PTPN9: variants seen among roughly 807,000 people sequenced by gnomAD.
PTPN9 encodes the protein protein tyrosine phosphatase non-receptor type 9, also known as tyrosine-protein phosphatase non-receptor type 9.
PTPN9 carries 26 observed loss-of-function variants against 69.8 expected under a neutral mutation model. The ratio of observed to expected loss-of-function variants is 0.37; its 90% CI spans 0.27 to 0.52. The LOEUF is 0.52. Ranked by LOEUF, PTPN9 falls within the 20% of genes least tolerant of loss-of-function variation. PTPN9 has a pLI of 0.91. For missense variants in PTPN9, 549 were observed against 740.3 expected (o/e 0.74, Z 3.00); for synonymous variants, 274 against 272.5 (o/e 1.01, Z -0.05).
chr15:75,531,403 C>T (rs890613183), intron 1 of PTPN9, among the ~76,000 whole-genome samples: 1 of 152,082 alleles, frequency 6.6e-6, no homozygotes, highest in African/African-American at 2.4e-5. Context: ...ACAGGACAAA[C>T]TTAGAATGCT....
rs752970552 is a variant in PTPN9, at chr15:75,479,860, T to C, written c.1117A>G (p.Ile373Val). 3 of 1,609,756 alleles carry C rather than the reference T, an allele frequency of 1.9e-6. No homozygotes were observed. The highest frequency in any genetic ancestry group is 2.2e-5 in the East Asian group (1 of 44,830). The change falls in exon 9 of 13, where the codon ATT (isoleucine) becomes GTT (valine). Residue 373 changes from isoleucine to valine, a missense_variant. By Grantham distance (29) the Ile-to-Val change is conservative. Around this residue, in one of 3 missense-constraint regions of PTPN9, gnomAD observed 457 missense variants for 661.9 expected, o/e 0.69. Coordinates refer to ENST00000618819, the MANE Select transcript of PTPN9 (RefSeq NM_002833.4). ...MDGYKQKNAY[I>V]GTQGPLENTY... is the part of the protein sequence containing the mutation. ...CGGACCAGCTTACCTTGTGTGCCAA[T>C]GTAAGCATTCTTCTGCTTGTAGCCA...
In PTPN9 at chr15:75,470,802, C is replaced by T. The variant is rs760155067; in HGVS notation, c.1237G>A (p.Gly413Ser). The T allele has an allele frequency of 5.6e-6, 9 of 1,614,168 alleles. No individual in the cohort carries two copies. The highest frequency in any genetic ancestry group is 7.6e-6 in the Non-Finnish European group (9 of 1,180,028). ...TCTTTTTCTAAAGGCCAGTACTGGC[C>T]ACACTTTCTCCTGCCGCCTTCCTCA... is the stretch of plus-strand genomic sequence containing the variant. The part of the protein sequence containing the change: ...RFEEGGRRKC[G>S]QYWPLEKDSR... The change falls in exon 11 of 13, where the codon GGC becomes AGC. Residue 413 changes from glycine (G) to serine (S), a missense_variant. This residue lies in a region of PTPN9 where 457 missense variants were observed against 661.9 expected (regional missense o/e 0.69). Transcript: ENST00000618819.
chr15:75,476,854 G>A (rs932320291), intron 9 of PTPN9, among the ~76,000 whole-genome samples: 1 of 152,114 alleles, frequency 6.6e-6, no homozygotes, highest in African/African-American at 2.4e-5. Context: ...CTGCACCACA[G>A]CAACTCTCAT....
chr15:75,552,834 G>A (rs1020380409), intron 1 of PTPN9, among the ~76,000 whole-genome samples: 1 of 149,232 alleles, frequency 6.7e-6, no homozygotes, highest in Non-Finnish European at 1.5e-5. Context: ...TTAGATAAGG[G>A]CACTGGGTCA....
chr15:75,537,427 C>T (rs549447709), intron 1 of PTPN9, among the ~76,000 whole-genome samples: 1 of 88,982 alleles, frequency 1.1e-5, no homozygotes, highest in African/African-American at 4.6e-5. Flanking sequence ...CAAGAGGAAT[C>T]GTCAAATATC....
chr15:75,506,487 C>T lies in PTPN9; in HGVS notation c.640-484G>A, dbSNP rs1446647086. Reference sequence around the variant, plus strand: ...TCTATGAAAGCAAGACACCCAGAGGCAGGGTAGCCCAGGAAAAATGTGAGA... The same window carrying T: ...TCTATGAAAGCAAGACACCCAGAGGTAGGGTAGCCCAGGAAAAATGTGAGA... On this transcript the variant is annotated intron_variant, in intron 6 of 12. Coordinates refer to ENST00000618819, the MANE Select transcript of PTPN9 (RefSeq NM_002833.4). 4.6e-5 allele frequency among the ~76,000 whole-genome samples: 7 copies of T among 152,074 alleles called. No homozygotes were observed. In the East Asian group the frequency reaches 7.7e-4, roughly 17 times the overall value.
intron 1 of PTPN9, among the ~76,000 whole-genome samples, chr15:75,560,301 G>A (rs1179412009): frequency 6.6e-6 from 1 of 152,084 alleles, no homozygotes; most frequent in Non-Finnish European, 1.5e-5. Flanking sequence ...GAAAACAAAA[G>A]TATGTGGAAA....
At chr15:75,574,658 G>A (rs1309803966) in intron 1 of PTPN9, among the ~76,000 whole-genome samples, 1 of 151,996 alleles carries the variant, frequency 6.6e-6, no homozygotes, top group Non-Finnish European at 1.5e-5. Flanking sequence ...TATTTTTAAG[G>A]AGCCAGGCGC....
chr15:75,525,651 C>T (rs1441718178), intron 2 of PTPN9, among the ~76,000 whole-genome samples: 1 of 151,568 alleles, frequency 6.6e-6, no homozygotes, highest in Non-Finnish European at 1.5e-5. Flanking sequence ...GGCACGGTGG[C>T]TCATGCCTGT....
chr15:75,543,006 C>A, intron 1 of PTPN9, among the ~76,000 whole-genome samples: 1 of 128,698 alleles, frequency 7.8e-6, no homozygotes, highest in Non-Finnish European at 1.6e-5. Context: ...CCCCTCCCCC[C>A]ACCCCACGAC....
chr15:75,501,020 T>C (rs1368674588), intron 7 of PTPN9, among the ~76,000 whole-genome samples: 2 of 152,188 alleles, frequency 1.3e-5, no homozygotes, highest in East Asian at 1.9e-4. Context: ...CCCTTGTTGA[T>C]ATATGGTCTG....
intron 7 of PTPN9, among the ~76,000 whole-genome samples, chr15:75,503,810 G>T (rs1459879857): frequency 8.2e-6 from 1 of 121,666 alleles, no homozygotes; most frequent in Non-Finnish European, 1.8e-5. Context: ...GAGGTGGGGG[G>T]GTCAGCCCCC....
At chr15:75,567,852 C>T (rs572323203) in intron 1 of PTPN9, among the ~76,000 whole-genome samples, 4 of 151,958 alleles carry the variant, frequency 2.6e-5, no homozygotes, top group African/African-American at 7.2e-5. Flanking sequence ...AAAAATTAGC[C>T]GGGCGTGGTG....
At chr15:75,571,443 TA>T (rs1444219460) in intron 1 of PTPN9, among the ~76,000 whole-genome samples, 6 of 151,764 alleles carry the variant, frequency 4.0e-5, no homozygotes, top group Non-Finnish European at 8.8e-5. Flanking sequence ...AAAATTAAAA[TA>T]AAAAAAGAAA....
intron 1 of PTPN9, among the ~76,000 whole-genome samples, chr15:75,530,116 C>G (rs1432660775): frequency 6.8e-6 from 1 of 147,466 alleles, no homozygotes; most frequent in Non-Finnish European, 1.5e-5. Flanking sequence ...GCAGAAGAAT[C>G]GCTTGAACCA....
In PTPN9 at chr15:75,544,616, G is replaced by A. The variant is rs1595966431; in HGVS notation, c.64-17355C>T. Among the ~76,000 whole-genome samples the A allele has an allele frequency of 2.0e-5, 3 of 152,062 alleles. No homozygotes were observed. The East Asian group carries it at 5.8e-4, about 29-fold the overall frequency. Reference sequence around the variant, plus strand: ...CACCAACAAGAGCAACATCATCTAGGTTCCCAGAGGGAGGTAACAGAGGTA... The same window carrying A: ...CACCAACAAGAGCAACATCATCTAGATTCCCAGAGGGAGGTAACAGAGGTA... On this transcript the variant is annotated intron_variant, in intron 1 of 12. Transcript: ENST00000618819.
chr15:75,528,034 G>C (rs554115910), intron 1 of PTPN9, among the ~76,000 whole-genome samples: 1 of 152,282 alleles, frequency 6.6e-6, no homozygotes, highest in African/African-American at 2.4e-5. Context: ...TTTGAGGCCA[G>C]TAAAATTATT....
chr15:75,492,701 C>T (rs1485296119), intron 7 of PTPN9, among the ~76,000 whole-genome samples: 1 of 152,180 alleles, frequency 6.6e-6, no homozygotes, highest in Non-Finnish European at 1.5e-5. Flanking sequence ...CTCATCCATG[C>T]AAAACGAGCT....
At chr15:75,575,010 G>GTTTTTTTTTTTTTTTTTTTTT (rs1567533120) in intron 1 of PTPN9, among the ~76,000 whole-genome samples, 1 of 15,768 alleles carries the variant, frequency 6.3e-5, no homozygotes, top group Non-Finnish European at 8.3e-5. Context: ...TTGAGACAGA[G>GTTTTTTTTTTTTTTTTTTTTT]GAGACGGAGT....
Sources: allele counts gnomAD v4.1 joint callset (sites outside exome capture counted in the v4.1 genomes callset), GRCh38; gene constraint gnomAD v4.1.1; regional missense constraint gnomAD v4.1.1; transcripts MANE v1.5; gene names NCBI Gene and HGNC (gene_info 2026-07-23, HGNC 2026-07-21).